GTF2E2: variants seen among roughly 807,000 people sequenced by gnomAD.
The protein encoded by GTF2E2 is general transcription factor IIE subunit 2.
Under a neutral mutation model 40.5 loss-of-function variants are expected in GTF2E2, and 21 were observed. The ratio of observed to expected loss-of-function variants is 0.52; its 90% CI spans 0.37 to 0.75. GTF2E2 has a LOEUF of 0.75. GTF2E2 is among the 30% of genes least tolerant of loss of function. GTF2E2 has a pLI of 0.00. For synonymous variants in GTF2E2, 117 were observed against 121.6 expected (o/e 0.96, Z 0.25); for missense variants, 298 against 338.4 (o/e 0.88, Z 0.94).
intron 5 of GTF2E2, among the ~76,000 whole-genome samples, chr8:30,610,338 C>T (rs1475323149): frequency 4.0e-5 from 6 of 150,118 alleles, no homozygotes; most frequent in Non-Finnish European, 7.4e-5. Flanking sequence ...CCCAGCTAAT[C>T]AGGAGGCTGA....
intron 3 of GTF2E2, among the ~76,000 whole-genome samples, chr8:30,625,859 A>G (rs1460091421): frequency 2.6e-5 from 4 of 152,112 alleles, no homozygotes; most frequent in Admixed American, 6.5e-5. Context: ...TCAGCCTCCC[A>G]AAGTGCTAGG....
At chr8:30,603,550 C>T (rs913706295) in intron 6 of GTF2E2, among the ~76,000 whole-genome samples, 4 of 152,046 alleles carry the variant, frequency 2.6e-5, no homozygotes, top group African/African-American at 7.2e-5. Flanking sequence ...AAGGGGGACA[C>T]ATTATAATGA....
At chr8:30,606,278 AC>A (rs1328117412) in intron 6 of GTF2E2, among the ~76,000 whole-genome samples, 1 of 152,228 alleles carries the variant, frequency 6.6e-6, no homozygotes, top group Non-Finnish European at 1.5e-5. Flanking sequence ...GTTCAGGGAA[AC>A]TAAAGCCCTA....
chr8:30,620,446 A>C (rs918927835), intron 3 of GTF2E2, among the ~76,000 whole-genome samples: 1 of 152,124 alleles, frequency 6.6e-6, no homozygotes, highest in African/African-American at 2.4e-5. Context: ...TCATTCAATC[A>C]TACTGCTTTC....
At chr8:30,605,132 C>T (rs536475197) in intron 6 of GTF2E2, among the ~76,000 whole-genome samples, 1 of 152,284 alleles carries the variant, frequency 6.6e-6, no homozygotes, top group South Asian at 2.1e-4. Context: ...ATCAACCACC[C>T]GCCTCAAGTT....
chr8:30,609,215 G>A (rs1829409677), intron 5 of GTF2E2, among the ~76,000 whole-genome samples: 1 of 149,524 alleles, frequency 6.7e-6, no homozygotes, highest in Non-Finnish European at 1.5e-5. Flanking sequence ...GCAGTGAGCT[G>A]AGATCACCCC....
chr8:30,621,974 A>T (rs1585974846), intron 3 of GTF2E2, among the ~76,000 whole-genome samples: 2 of 124,858 alleles, frequency 1.6e-5, no homozygotes, highest in African/African-American at 6.7e-5. Flanking sequence ...TTATATATAT[A>T]TATATTTTTT....
chr8:30,637,260 A>G (rs1801634511), intron 2 of GTF2E2: 3 of 456,232 alleles, frequency 6.6e-6, no homozygotes, highest in Non-Finnish European at 1.3e-5. Context: ...GCAACTGTAT[A>G]AACAACTGGG....
chr8:30,591,140 A>C (rs1033125904), intron 6 of GTF2E2, among the ~76,000 whole-genome samples: 1 of 152,256 alleles, frequency 6.6e-6, no homozygotes, highest in African/African-American at 2.4e-5. Flanking sequence ...ATAAAAGCAC[A>C]AAACAATTTT....
At chr8:30,601,542 C>CA (rs918062594) in intron 6 of GTF2E2, among the ~76,000 whole-genome samples, 64 of 150,590 alleles carry the variant, frequency 4.2e-4, no homozygotes, top group Non-Finnish European at 5.8e-4. Context: ...CTCCCCACAC[C>CA]AAAAAAAAAC....
At chr8:30,633,778 T>C (rs1801507852) in intron 3 of GTF2E2, among the ~76,000 whole-genome samples, 1 of 152,226 alleles carries the variant, frequency 6.6e-6, no homozygotes, top group South Asian at 2.1e-4. Flanking sequence ...TCATAACTGC[T>C]TACCATGTGG....
chr8:30,655,958 G>A (rs1420119521), intron 1 of GTF2E2, among the ~76,000 whole-genome samples: 1 of 151,988 alleles, frequency 6.6e-6, no homozygotes, highest in Non-Finnish European at 1.5e-5. Context: ...CTACAGGCGC[G>A]CAGCACCACG....
At chr8:30,649,772 C>CA (rs942826394) in intron 2 of GTF2E2, among the ~76,000 whole-genome samples, 4 of 150,922 alleles carry the variant, frequency 2.7e-5, no homozygotes, top group African/African-American at 4.9e-5. Context: ...GACTCCGTCT[C>CA]AAAAAAAATG....
intron 2 of GTF2E2, among the ~76,000 whole-genome samples, chr8:30,647,046 T>C (rs1276805646): frequency 1.6e-5 from 2 of 124,178 alleles, no homozygotes; most frequent in Non-Finnish European, 3.5e-5. Context: ...TATTTAAAAG[T>C]AAAAAATAAA....
At chr8:30,649,416 C>T (rs1802198432) in intron 2 of GTF2E2, among the ~76,000 whole-genome samples, 1 of 151,550 alleles carries the variant, frequency 6.6e-6, no homozygotes, top group South Asian at 2.1e-4. Context: ...AACAAACAAA[C>T]AAACAAACAA....
chr8:30,614,174 A>T (rs1454672558), intron 4 of GTF2E2, among the ~76,000 whole-genome samples: 2 of 152,238 alleles, frequency 1.3e-5, no homozygotes, highest in Non-Finnish European at 2.9e-5. Context: ...GATAACATAA[A>T]ATTATATGAA....
Position 30,641,219 on chromosome 8 carries a change from T to A in GTF2E2, c.167-6096A>T, listed in dbSNP as rs1008654536. ...TTGAGCCGCTCGGTTATCAATACAC[T>A]CACAAGACAAATCATCATCATTTAC... On this transcript the variant is annotated intron_variant, in intron 2 of 7. Transcript: ENST00000355904. Among the ~76,000 whole-genome samples, 6 of 152,148 alleles carry A rather than the reference T, an allele frequency of 3.9e-5. No individual in the cohort carries two copies. The East Asian group carries it at 1.2e-3, about 29-fold the overall frequency.
At chr8:30,637,039 C>A (rs1801626485) in intron 2 of GTF2E2, 1 of 403,980 alleles carries the variant, frequency 2.5e-6, no homozygotes, top group East Asian at 7.1e-5. Flanking sequence ...CCAAAAAATC[C>A]AACTTAAGAA....
At chr8:30,606,556 A>G (rs962045383) in intron 6 of GTF2E2, among the ~76,000 whole-genome samples, 1 of 152,206 alleles carries the variant, frequency 6.6e-6, no homozygotes, top group Admixed American at 6.5e-5. Context: ...AAGTCCAAAC[A>G]TACGTATCAT....
Sources: allele counts gnomAD v4.1 joint callset (sites outside exome capture counted in the v4.1 genomes callset), GRCh38; gene constraint gnomAD v4.1.1; transcripts MANE v1.5; gene names NCBI Gene and HGNC (gene_info 2026-07-23, HGNC 2026-07-21).